The following LAMP5 variants were observed in gnomAD, a reference collection of about 807,000 sequenced individuals.
LAMP5 encodes lysosome-associated membrane glycoprotein 5.
In LAMP5, 36 loss-of-function variants were observed where a neutral mutation model predicts 30.2. That is an observed-to-expected ratio of 1.19 (90% CI 0.91 to 1.57). LAMP5 has a LOEUF of 1.57. Among genes scored for constraint, LAMP5 ranks in the 40% most tolerant of loss-of-function variants. LAMP5 has a pLI of 0.00. For synonymous variants in LAMP5, 149 were observed against 134.6 expected, an observed-to-expected ratio of 1.11 and a Z score of -0.74; for missense variants, 377 against 354.9, an observed-to-expected ratio of 1.06 and a Z score of -0.50.
intron 5 of LAMP5, among the ~76,000 whole-genome samples, chr20:9,526,860 GTATA>G (rs201564418): frequency 0.066 from 5,293 of 79,696 alleles, 160 homozygotes; most frequent in East Asian, 0.11. Context: ...GTGTGTGTGT[GTATA>G]TATATATATA....
At chr20:9,521,584 C>G (rs570876140) in intron 5 of LAMP5, among the ~76,000 whole-genome samples, 2 of 152,300 alleles carry the variant, frequency 1.3e-5, no homozygotes, top group South Asian at 4.1e-4. Context: ...CAGCAACTAT[C>G]ACCTCTGCAA....
At chr20:9,521,437 A>T (rs2045079179) in intron 5 of LAMP5, among the ~76,000 whole-genome samples, 1 of 152,196 alleles carries the variant, frequency 6.6e-6, no homozygotes, top group Non-Finnish European at 1.5e-5. Flanking sequence ...AAATAATTGG[A>T]TGTGTAAAGA....
intron 5 of LAMP5, 36 bp downstream of exon 5, chr20:9,518,264 GT>G (rs1343862399): frequency 5.0e-6 from 8 of 1,592,730 alleles, no homozygotes; most frequent in African/African-American, 1.3e-5. Flanking sequence ...AGAAGACCTA[GT>G]TTATTTCAGG....
At position 9,529,889 on chromosome 20, in the gene LAMP5, T is replaced by C. The variant is rs1483301732; in HGVS notation, c.*69T>C. 14 of 1,486,556 alleles carry C rather than the reference T, an allele frequency of 9.4e-6. No individual in the cohort carries two copies. The highest frequency in any genetic ancestry group is 1.3e-5 in the Non-Finnish European group (14 of 1,077,574). 92.1% of individuals were successfully genotyped at this position (1,486,556 alleles called of 1,614,324 possible). A position where few individuals can be genotyped will look rare whatever the true frequency, so the allele number is the denominator to read the frequency against. Reference sequence around the variant, plus strand: ...ATCAGGTAGAACAACAAAAGCACTTTTCCATCTTGTACACGAGATACACCA... The same window carrying C: ...ATCAGGTAGAACAACAAAAGCACTTCTCCATCTTGTACACGAGATACACCA... On this transcript the variant is annotated 3_prime_UTR_variant, in exon 6 of 6. Coordinates refer to ENST00000246070, the MANE Select transcript of LAMP5 (RefSeq NM_012261.4).
At chr20:9,515,962 G>A (rs1223799375) in intron 2 of LAMP5, 38 bp from the exon 3 acceptor site, 3 of 1,469,572 alleles carry the variant, frequency 2.0e-6, no homozygotes, top group Non-Finnish European at 2.7e-6. Flanking sequence ...CCCCGGGGCC[G>A]GGCGAGCTGA....
Position 9,515,514 on chromosome 20 carries a change from C to T in LAMP5, c.126C>T (p.Asn42=), listed in dbSNP as rs1182040200. 2 of 1,614,016 alleles carry T rather than the reference C, an allele frequency of 1.2e-6. No homozygotes were observed. Among genetic ancestry groups the T allele is most frequent in the Non-Finnish European group, 1.7e-6 (2 of 1,180,010 alleles). ...AAAATCTCTCAGGCCTTTCCACTAA[C>T]CCTGAAAAAGATATATTTGTGGTGC... ...EVENLSGLST[N]PEKDIFVVRE... Residue 42 remains asparagine (N), a synonymous_variant, in exon 2 of 6, where the codon AAC becomes AAT. Coordinates refer to ENST00000246070, the MANE Select transcript of LAMP5 (RefSeq NM_012261.4).
intron 5 of LAMP5, among the ~76,000 whole-genome samples, chr20:9,519,337 T>C (rs949200863): frequency 4.6e-5 from 7 of 152,226 alleles, no homozygotes; most frequent in African/African-American, 1.7e-4. Flanking sequence ...TTGTCATCTA[T>C]GATCATTTTC....
chr20:9,522,287 G>C (rs891302991), intron 5 of LAMP5, among the ~76,000 whole-genome samples: 1 of 152,198 alleles, frequency 6.6e-6, no homozygotes, highest in Non-Finnish European at 1.5e-5. Flanking sequence ...GGGAACTTTA[G>C]TGTTAGTGTA....
At position 9,529,910 on chromosome 20, in the gene LAMP5, C is replaced by A. The variant is rs2045139412; in HGVS notation, c.*90C>A. 2.3e-6 allele frequency: 3 copies of A among 1,283,976 alleles called. No homozygotes were observed. Among genetic ancestry groups the A allele is most frequent in the South Asian group, 1.4e-5 (1 of 72,016 alleles). The allele number at this position is 1,283,976 out of a possible 1,614,324, so 79.5% of individuals were successfully genotyped here. A position where few individuals can be genotyped will look rare whatever the true frequency, so the allele number is the denominator to read the frequency against. On this transcript the variant is annotated 3_prime_UTR_variant, in exon 6 of 6. Transcript: ENST00000246070. The stretch of plus-strand genomic sequence containing the variant: ...ACTTTTCCATCTTGTACACGAGATA[C>A]ACCAACATAGCTACAATCAAACAGG...
intron 5 of LAMP5, among the ~76,000 whole-genome samples, chr20:9,525,886 C>T (rs975402440): frequency 6.6e-6 from 1 of 152,218 alleles, no homozygotes; most frequent in African/African-American, 2.4e-5. Flanking sequence ...AGCTCTTTCT[C>T]CATTGCCTCT....
intron 1 of LAMP5, 118 bp from the exon 2 acceptor site, chr20:9,515,335 A>C (rs1031069952): frequency 6.8e-6 from 6 of 878,700 alleles, no homozygotes; most frequent in African/African-American, 1.7e-5. Context: ...TAGAGCGCAC[A>C]GCTGCTGGCA....
intron 5 of LAMP5, among the ~76,000 whole-genome samples, chr20:9,520,971 G>T (rs1305302783): frequency 6.6e-6 from 1 of 152,172 alleles, no homozygotes; most frequent in East Asian, 1.9e-4. Flanking sequence ...GTTCACTTAG[G>T]TCTGGGAGTG....
intron 5 of LAMP5, among the ~76,000 whole-genome samples, chr20:9,522,244 A>G (rs928978837): frequency 6.6e-6 from 1 of 152,148 alleles, no homozygotes; most frequent in African/African-American, 2.4e-5. Flanking sequence ...TGATTGGGAG[A>G]CGCCACTTAA....
At chr20:9,520,169 G>C (rs2045069716) in intron 5 of LAMP5, among the ~76,000 whole-genome samples, 1 of 152,184 alleles carries the variant, frequency 6.6e-6, no homozygotes, top group Non-Finnish European at 1.5e-5. Flanking sequence ...CAATCAAATG[G>C]CACTTGTCTC....
In LAMP5 at chr20:9,515,406, C is replaced by T. The variant is rs1439469538; in HGVS notation, c.65-47C>T. ...TCTCCCCACCCTAGCGCCCGAGACG[C>T]GTGGGCTGAGCCCTGAACTGATGGA... On this transcript the variant is annotated intron_variant, in intron 1 of 5. Transcript: ENST00000246070. The T allele has an allele frequency of 4.5e-6, 7 of 1,566,944 alleles. 1 individual carries two copies. The Middle Eastern group carries it at 7.0e-4, about 156-fold the overall frequency.
At chr20:9,516,585 G>A (rs1323545741) in intron 4 of LAMP5, among the ~76,000 whole-genome samples, 1 of 152,110 alleles carries the variant, frequency 6.6e-6, no homozygotes, top group East Asian at 1.9e-4. Context: ...GGACCCAAAC[G>A]TCACCCGTGG....
intron 4 of LAMP5, 41 bp downstream of exon 4, chr20:9,516,402 C>A: frequency 6.7e-7 from 1 of 1,498,804 alleles, no homozygotes; most frequent in Non-Finnish European, 9.3e-7. Flanking sequence ...AGCCTGGGAA[C>A]TCGCAGAACA....
At chr20:9,515,717 G>A in intron 2 of LAMP5, 92 bp downstream of exon 2, 1 of 1,411,778 alleles carries the variant, frequency 7.1e-7, no homozygotes, top group Non-Finnish European at 9.7e-7. Flanking sequence ...TGGGTTGCCC[G>A]CCTTCTTTCC....
At chr20:9,515,816 C>T (rs971449731) in intron 2 of LAMP5, among the ~76,000 whole-genome samples, 184 bp from the exon 3 acceptor site, 2 of 152,230 alleles carry the variant, frequency 1.3e-5, no homozygotes, top group Non-Finnish European at 2.9e-5. Context: ...AAGTAAACCC[C>T]CTTCTCTCCG....
Sources: allele counts gnomAD v4.1 joint callset (sites outside exome capture counted in the v4.1 genomes callset), GRCh38; gene constraint gnomAD v4.1.1; transcripts MANE v1.5; gene names NCBI Gene and HGNC (gene_info 2026-07-23, HGNC 2026-07-21).